EFCAB14: variants seen among roughly 807,000 people sequenced by gnomAD.
The protein encoded by EFCAB14 is EF-hand calcium-binding domain-containing protein 14.
A neutral mutation model predicts 56.5 loss-of-function variants in EFCAB14; 43 were observed. The observed-to-expected ratio is 0.76, with a 90% CI of 0.60 to 0.98. The LOEUF (loss-of-function observed/expected upper bound fraction) is 0.98. EFCAB14 is among the 50% of genes least tolerant of loss of function. EFCAB14 has a pLI of 0.00. For missense variants in EFCAB14, 538 were observed against 580.3 expected, an observed-to-expected ratio of 0.93 and a Z score of 0.75; for synonymous variants, 235 against 212.9, an observed-to-expected ratio of 1.10 and a Z score of -0.90.
chr1:46,681,989 A>G (rs1316878110), intron 10 of EFCAB14, among the ~76,000 whole-genome samples: 1 of 152,174 alleles, frequency 6.6e-6, no homozygotes, highest in Non-Finnish European at 1.5e-5. Context: ...GGAACAGGGA[A>G]GAAAAGTAAT....
Position 46,701,264 on chromosome 1 carries a change from A to G in EFCAB14, c.481-4615T>C, listed in dbSNP as rs199694639. ...CGGGGCTTTCTGAGACCACTGTAAC[A>G]TGCCCAATCATAAAATGCTAGGAAG... On this transcript the variant is annotated intron_variant, in intron 3 of 10. Transcript: ENST00000371933. Among the ~76,000 whole-genome samples the G allele has an allele frequency of 3.3e-5, 5 of 152,314 alleles. No homozygotes were observed. The East Asian group carries it at 9.6e-4, about 29-fold the overall frequency.
chr1:46,708,691 A>G (rs1424005556), intron 2 of EFCAB14, among the ~76,000 whole-genome samples: 2 of 152,238 alleles, frequency 1.3e-5, no homozygotes, highest in Non-Finnish European at 2.9e-5. Flanking sequence ...AGTAGTAAAC[A>G]GTATTTTCTT....
intron 3 of EFCAB14, among the ~76,000 whole-genome samples, chr1:46,702,032 A>C (rs1188258924): frequency 6.6e-6 from 1 of 152,246 alleles, no homozygotes; most frequent in African/African-American, 2.4e-5. Flanking sequence ...CTAGAATGTC[A>C]GATCAGATTC....
At position 46,678,206 on chromosome 1, in the gene EFCAB14, ATT is replaced by A. The variant is rs1174256050; in HGVS notation, c.*253_*254del. 3.1e-6 allele frequency: 1 copy of A among 324,976 alleles called. No homozygotes were observed. Among genetic ancestry groups the A allele is most frequent in the Non-Finnish European group, 5.5e-6 (1 of 181,676 alleles). 20.1% of individuals were successfully genotyped at this position (324,976 alleles called of 1,614,324 possible). A position where few individuals can be genotyped will look rare whatever the true frequency, so the allele number is the denominator to read the frequency against. The stretch of plus-strand genomic sequence containing the variant: ...GGAAAGAGAAAAAAAGAGGGCTTTA[ATT>A]TTTTTTCTGGCAATTTTAAAATGTA... On this transcript the variant is annotated 3_prime_UTR_variant, in exon 11 of 11. Coordinates refer to ENST00000371933, the MANE Select transcript of EFCAB14 (RefSeq NM_014774.3).
intron 10 of EFCAB14, 85 bp from the exon 11 acceptor site, chr1:46,678,721 ACTAAAAGAAAAG>A: frequency 7.5e-7 from 1 of 1,333,160 alleles, no homozygotes; most frequent in African/African-American, 1.5e-5. Context: ...AATTTAAAAC[ACTAAAAGAAAAG>A]CTACTCCGCA....
At chr1:46,680,736 T>C (rs12048954) in intron 10 of EFCAB14, among the ~76,000 whole-genome samples, 55,562 of 152,128 alleles carry the variant, frequency 0.37, 12,269 homozygotes, top group Non-Finnish European at 0.5. Flanking sequence ...TGTTATGGTA[T>C]GTGAATTGTA....
At chr1:46,690,480 C>T (rs1345039274) in intron 5 of EFCAB14, among the ~76,000 whole-genome samples, 2 of 151,918 alleles carry the variant, frequency 1.3e-5, no homozygotes, top group African/African-American at 4.8e-5. Flanking sequence ...CTGAAATCAA[C>T]CCTGTTTTTA....
chr1:46,707,972 C>T lies in EFCAB14; in HGVS notation c.414G>A (p.Glu138=). ...EELLSKQKQL[E]KIESGEMGLN... is the part of the protein sequence containing the mutation. ...AACCCATCTCTCCAGATTCAATCTT[C>T]TCAAGTTGTTTTTGCTTGCTGAGTA... Residue 138 remains glutamate, a synonymous_variant, in exon 3 of 11, where the codon GAG becomes GAA. Coordinates refer to ENST00000371933, the MANE Select transcript of EFCAB14 (RefSeq NM_014774.3). 2.5e-6 allele frequency: 4 copies of T among 1,612,838 alleles called. No individual in the cohort carries two copies. The highest frequency in any genetic ancestry group is 3.4e-6 in the Non-Finnish European group (4 of 1,179,738).
intron 4 of EFCAB14, among the ~76,000 whole-genome samples, chr1:46,694,711 A>G (rs1481404372): frequency 1.3e-5 from 2 of 152,208 alleles, no homozygotes; most frequent in South Asian, 2.1e-4. Context: ...CATTTGACCC[A>G]GCCATCCCGT....
rs551785437 is a variant in EFCAB14 at position 46,707,993 on chromosome 1, G to C, written c.393C>G (p.Leu131=). The part of the protein sequence containing the change: ...QEIPKLNEEL[L]SKQKQLEKIE... ...TCTTCTCAAGTTGTTTTTGCTTGCT[G>C]AGTAGTTCTTCATTAAGTTTGGGGA... The change falls in exon 3 of 11, where the codon CTC becomes CTG. Residue 131 remains leucine (L), a synonymous_variant. Transcript: ENST00000371933. 6.2e-7 allele frequency: 1 copy of C among 1,612,822 alleles called. No homozygotes were observed. The highest frequency in any genetic ancestry group is 8.5e-7 in the Non-Finnish European group (1 of 1,179,694).
rs1225271250 is a variant in EFCAB14, at chr1:46,684,496, T to C, written c.1181A>G (p.Asp394Gly). 1.2e-6 allele frequency: 2 copies of C among 1,613,800 alleles called. No individual in the cohort carries two copies. Among genetic ancestry groups the C allele is most frequent in the Admixed American group, 3.3e-5 (2 of 60,024 alleles). Residue 394 changes from aspartate (D) to glycine (G), a missense_variant, in exon 9 of 11, where the codon GAT becomes GGT. Transcript: ENST00000371933. Reference protein sequence around the residue: ...PESNRPPETADEEQVESFTSK... With the variant: ...PESNRPPETAGEEQVESFTSK... ...GAAGCCGGCTCTGCTCTCACCTTCA[T>C]CGGCGGTCTCTGGAGGCCTGTTGCT... is the stretch of plus-strand genomic sequence containing the variant.
chr1:46,686,756 A>C (rs1399094840), intron 8 of EFCAB14, 28 bp downstream of exon 8: 2 of 1,604,994 alleles, frequency 1.2e-6, no homozygotes, highest in Non-Finnish European at 8.5e-7. Context: ...ATTTACTTTT[A>C]CTTCAGGGTA....
intron 4 of EFCAB14, among the ~76,000 whole-genome samples, chr1:46,694,719 C>T (rs999477963): frequency 2.0e-5 from 3 of 152,140 alleles, no homozygotes; most frequent in African/African-American, 7.2e-5. Context: ...CCAGCCATCC[C>T]GTTACTGGGT....
At chr1:46,703,118 T>TC (rs1677183762) in intron 3 of EFCAB14, among the ~76,000 whole-genome samples, 1 of 152,102 alleles carries the variant, frequency 6.6e-6, no homozygotes, top group African/African-American at 2.4e-5. Flanking sequence ...TCGTACTTTT[T>TC]TTTTTTTTGA....
intron 8 of EFCAB14, 48 bp from the exon 9 acceptor site, chr1:46,684,650 C>A: frequency 2.1e-6 from 3 of 1,461,090 alleles, no homozygotes; most frequent in Non-Finnish European, 2.9e-6. Flanking sequence ...AGTAAGACTT[C>A]ATCTAAGTGT....
At chr1:46,707,303 C>A (rs1677246781) in intron 3 of EFCAB14, among the ~76,000 whole-genome samples, 1 of 152,194 alleles carries the variant, frequency 6.6e-6, no homozygotes, top group Non-Finnish European at 1.5e-5. Flanking sequence ...TATCCTTATA[C>A]ATACAAGATG....
chr1:46,716,394 C>CA lies in EFCAB14; in HGVS notation c.234dup (p.Val79CysfsTer37). On this transcript the variant is annotated frameshift_variant, in exon 2 of 11. Coordinates refer to ENST00000371933, the MANE Select transcript of EFCAB14 (RefSeq NM_014774.3). LOFTEE classifies it high-confidence loss of function. Reference sequence around the variant, plus strand: ...GCCACAACACAGGCAGCAAGGATGACAAAACCACAGAGCGGATAACAGATC... The same window carrying CA: ...GCCACAACACAGGCAGCAAGGATGACAAAAACCACAGAGCGGATAACAGATC... The CA allele has an allele frequency of 1.9e-6, 3 of 1,613,820 alleles. No homozygotes were observed. Among genetic ancestry groups the CA allele is most frequent in the Non-Finnish European group, 2.5e-6 (3 of 1,179,976 alleles).
intron 1 of EFCAB14, among the ~76,000 whole-genome samples, chr1:46,716,705 C>T (rs928858202): frequency 6.6e-6 from 1 of 152,190 alleles, no homozygotes; most frequent in African/African-American, 2.4e-5. Flanking sequence ...GGCACTGCAG[C>T]TGTCATTATC....
At chr1:46,700,610 T>C (rs778132193) in intron 3 of EFCAB14, among the ~76,000 whole-genome samples, 1 of 152,252 alleles carries the variant, frequency 6.6e-6, no homozygotes, top group Non-Finnish European at 1.5e-5. Context: ...AAGAAGTTTA[T>C]CTAGGAATAT....
Sources: gnomAD v4.1 joint callset for allele counts (sites outside exome capture counted in the v4.1 genomes callset) on GRCh38, gnomAD v4.1.1 for gene constraint, MANE v1.5 for transcripts, NCBI Gene and HGNC (gene_info 2026-07-23, HGNC 2026-07-21) for gene names.